The following CTDSPL variants were observed in gnomAD, a reference collection of about 807,000 sequenced individuals.
CTDSPL encodes CTD small phosphatase-like protein.
Under a neutral mutation model 30.5 loss-of-function variants are expected in CTDSPL, and 8 were observed. The observed-to-expected ratio is 0.26, with a 90% CI of 0.15 to 0.47. CTDSPL has a LOEUF of 0.47. Ranked by LOEUF, CTDSPL falls within the 20% of genes least tolerant of loss-of-function variation. The probability of loss-of-function intolerance (pLI) is 0.99; values close to 1 mark genes in which losing one functional copy is unlikely to be tolerated. For synonymous variants in CTDSPL, 110 were observed against 137.9 expected (o/e 0.80, Z 1.42); for missense variants, 248 against 366.1 (o/e 0.68, Z 2.63).
chr3:37,972,744 A>G (rs1699382210), intron 6 of CTDSPL, among the ~76,000 whole-genome samples: 1 of 151,928 alleles, frequency 6.6e-6, no homozygotes, highest in Non-Finnish European at 1.5e-5. Context: ...CTCCCAGGAG[A>G]TCTTTGCCTT....
At chr3:37,957,449 C>T (rs914307648) in intron 3 of CTDSPL, among the ~76,000 whole-genome samples, 2 of 152,182 alleles carry the variant, frequency 1.3e-5, no homozygotes, top group Non-Finnish European at 2.9e-5. Context: ...TGCTCAGAGG[C>T]CTCACCCACA....
chr3:37,979,576 A>G (rs1327326640), intron 7 of CTDSPL, among the ~76,000 whole-genome samples: 1 of 152,148 alleles, frequency 6.6e-6, no homozygotes, highest in African/African-American at 2.4e-5. Flanking sequence ...CTGGGCAACA[A>G]GAGCAAAACT....
Position 37,862,248 on chromosome 3 carries a change from G to C in CTDSPL, c.49G>C (p.Glu17Gln). 2 of 1,492,664 alleles carry C rather than the reference G, an allele frequency of 1.3e-6. No homozygotes were observed. Among genetic ancestry groups the C allele is most frequent in the Non-Finnish European group, 8.9e-7 (1 of 1,124,354 alleles). The allele number at this position is 1,492,664 out of a possible 1,614,324, so 92.5% of individuals were successfully genotyped here. A position where few individuals can be genotyped will look rare whatever the true frequency, so the allele number is the denominator to read the frequency against. ...CCAGGTGACCAACCCCAAGGAGGACGAGGGCCGGTTGCCGGGCGCGGGCGA... is the reference window on the plus strand; with the variant it reads ...CCAGGTGACCAACCCCAAGGAGGACCAGGGCCGGTTGCCGGGCGCGGGCGA... Reference protein sequence around the residue: ...ITQVTNPKEDEGRLPGAGEKA... With the variant: ...ITQVTNPKEDQGRLPGAGEKA... The change falls in exon 1 of 8, where the codon GAG becomes CAG. Residue 17 changes from glutamate (E) to glutamine (Q), a missense_variant. By Grantham distance (29) the Glu-to-Gln change is conservative. Coordinates refer to ENST00000273179, the MANE Select transcript of CTDSPL (RefSeq NM_001008392.2). The surrounding 1 kb of genome is among the most constrained non-coding windows in gnomAD (Gnocchi z 4.3).
intron 1 of CTDSPL, among the ~76,000 whole-genome samples, chr3:37,941,618 G>C (rs1353448261): frequency 6.7e-6 from 1 of 149,972 alleles, no homozygotes; most frequent in Non-Finnish European, 1.5e-5. Context: ...TCAAACTTCT[G>C]GCCTCAGGTG....
rs753670233 is a variant in CTDSPL, at chr3:37,968,322, C to T, written c.426+440C>T. 14 of 431,130 alleles carry T rather than the reference C, an allele frequency of 3.2e-5. 1 individual carries two copies. The highest frequency in any genetic ancestry group is 8.2e-5 in the Admixed American group (3 of 36,538). 26.7% of individuals were successfully genotyped at this position (431,130 alleles called of 1,614,324 possible). The stretch of plus-strand genomic sequence containing the variant: ...CAGACTGATCTTATCATTCCTGCAT[C>T]GTTTTCTCCAGAGAATCTTTAGCAA... On this transcript the variant is annotated intron_variant, in intron 5 of 7. Coordinates refer to ENST00000273179, the MANE Select transcript of CTDSPL (RefSeq NM_001008392.2).
At chr3:37,953,555 A>G (rs1384775116) in intron 2 of CTDSPL, among the ~76,000 whole-genome samples, 1 of 152,210 alleles carries the variant, frequency 6.6e-6, no homozygotes. Context: ...ATACAGATAA[A>G]GGAAGGTAGA....
chr3:37,877,855 A>G (rs1464515957), intron 1 of CTDSPL, among the ~76,000 whole-genome samples: 1 of 152,150 alleles, frequency 6.6e-6, no homozygotes, highest in Non-Finnish European at 1.5e-5. Flanking sequence ...ACTCTCTTTA[A>G]TAATCAGATC....
At chr3:37,945,720 C>A (rs1699027519) in intron 1 of CTDSPL, among the ~76,000 whole-genome samples, 1 of 152,202 alleles carries the variant, frequency 6.6e-6, no homozygotes, top group South Asian at 2.1e-4. Context: ...TTCTGAAGCT[C>A]ATCTTTAGTA....
intron 1 of CTDSPL, among the ~76,000 whole-genome samples, chr3:37,893,953 G>A (rs973022171): frequency 6.6e-6 from 1 of 152,104 alleles, no homozygotes; most frequent in Non-Finnish European, 1.5e-5. Context: ...AAACTGCTAC[G>A]TGGCTAACCA....
chr3:37,902,066 C>A (rs979156036), intron 1 of CTDSPL, among the ~76,000 whole-genome samples: 11 of 152,304 alleles, frequency 7.2e-5, no homozygotes, highest in African/African-American at 2.6e-4. Flanking sequence ...ATTCCTATTT[C>A]AGAAGAGCAA....
At chr3:37,898,932 G>A (rs1262992675) in intron 1 of CTDSPL, among the ~76,000 whole-genome samples, 1 of 152,200 alleles carries the variant, frequency 6.6e-6, no homozygotes, top group Non-Finnish European at 1.5e-5. Flanking sequence ...AACAGCAGGT[G>A]CCAAAGCCCT....
chr3:37,963,903 CGGTGGCACAA>C (rs1052464578), intron 3 of CTDSPL, among the ~76,000 whole-genome samples: 11 of 151,788 alleles, frequency 7.2e-5, no homozygotes, highest in African/African-American at 2.4e-4. Flanking sequence ...TACCACAGTG[CGGTGGCACAA>C]GGTGGCACTG....
intron 1 of CTDSPL, among the ~76,000 whole-genome samples, chr3:37,933,006 A>G (rs1368706006): frequency 4.6e-5 from 7 of 152,024 alleles, no homozygotes; most frequent in Admixed American, 4.6e-4. Flanking sequence ...TACAAAAATT[A>G]GCCAGGCATG....
rs1224356305 is a variant in CTDSPL at position 37,981,029 on chromosome 3, A to G, written c.*162A>G. 3 of 692,660 alleles carry G rather than the reference A, an allele frequency of 4.3e-6. No individual in the cohort carries two copies. Among genetic ancestry groups the G allele is most frequent in the African/African-American group, 1.8e-5 (1 of 54,632 alleles). The allele number at this position is 692,660 out of a possible 1,614,324, so 42.9% of individuals were successfully genotyped here. ...ACCTGTTTTGTTTTTTTAAGAACAG[A>G]AACAACTATTTTAAAAGAACTCTTT... On this transcript the variant is annotated 3_prime_UTR_variant, in exon 8 of 8. Transcript: ENST00000273179.
intron 2 of CTDSPL, among the ~76,000 whole-genome samples, chr3:37,950,677 T>C (rs1575314082): frequency 6.6e-6 from 1 of 152,192 alleles, no homozygotes; most frequent in East Asian, 1.9e-4. Flanking sequence ...AAGAAAATTT[T>C]CTTGAGCTGA....
At chr3:37,882,406 C>G (rs1178333156) in intron 1 of CTDSPL, among the ~76,000 whole-genome samples, 2 of 146,734 alleles carry the variant, frequency 1.4e-5, no homozygotes, top group African/African-American at 5.1e-5. Flanking sequence ...CGCACCACTG[C>G]ACTCCAGCCT....
intron 1 of CTDSPL, among the ~76,000 whole-genome samples, chr3:37,942,063 C>T (rs1311505477): frequency 6.7e-6 from 1 of 150,314 alleles, no homozygotes; most frequent in Non-Finnish European, 1.5e-5. Context: ...AAACAGCCCC[C>T]AGCAGAGCTC....
At chr3:37,910,456 G>C (rs554266056) in intron 1 of CTDSPL, among the ~76,000 whole-genome samples, 5 of 152,106 alleles carry the variant, frequency 3.3e-5, no homozygotes, top group African/African-American at 1.2e-4. Flanking sequence ...ACTCCAGCCT[G>C]GGCAACAAGA....
intron 1 of CTDSPL, among the ~76,000 whole-genome samples, chr3:37,927,855 C>T (rs1273012482): frequency 2.0e-5 from 3 of 151,956 alleles, no homozygotes; most frequent in African/African-American, 7.3e-5. Flanking sequence ...TTTCCCCCTC[C>T]TCCCAGCCCT....
Sources: allele counts gnomAD v4.1 joint callset (sites outside exome capture counted in the v4.1 genomes callset), GRCh38; gene constraint gnomAD v4.1.1; non-coding constraint Gnocchi (gnomAD v3.1); transcripts MANE v1.5; gene names NCBI Gene and HGNC (gene_info 2026-07-23, HGNC 2026-07-21).